Variants in HACE1 observed in about 807,000 individuals in gnomAD.
The protein encoded by HACE1 is HECT domain and ankyrin repeat containing E3 ubiquitin protein ligase 1.
A neutral mutation model predicts 118.4 loss-of-function variants in HACE1; 73 were observed. That is an observed-to-expected ratio of 0.62 (90% CI 0.51 to 0.75). HACE1 has a LOEUF of 0.75. HACE1 is among the 30% of genes least tolerant of loss of function. The pLI is 0.00. For synonymous variants in HACE1, 368 were observed against 374.8 expected (o/e 0.98, Z 0.21); for missense variants, 749 against 1,102.2 (o/e 0.68, Z 4.54).
intron 22 of HACE1, among the ~76,000 whole-genome samples, chr6:104,733,111 C>T (rs1360612147): frequency 6.6e-6 from 1 of 152,100 alleles, no homozygotes; most frequent in Non-Finnish European, 1.5e-5. Flanking sequence ...AAAATCAAGT[C>T]GTTCTGAATT....
At chr6:104,830,735 T>A (rs1255627434) in intron 6 of HACE1, among the ~76,000 whole-genome samples, 1 of 150,512 alleles carries the variant, frequency 6.6e-6, no homozygotes, top group Non-Finnish European at 1.5e-5. Context: ...GTTATTATGG[T>A]CAGCAAGAAA....
intron 7 of HACE1, among the ~76,000 whole-genome samples, chr6:104,802,808 A>G (rs572511935): frequency 7.2e-5 from 11 of 152,204 alleles, no homozygotes; most frequent in Non-Finnish European, 1.5e-4. Context: ...AAAGAACTAG[A>G]GAAGCAAGAG....
At chr6:104,763,761 T>G (rs969712343) in intron 19 of HACE1, among the ~76,000 whole-genome samples, 1 of 152,120 alleles carries the variant, frequency 6.6e-6, no homozygotes, top group African/African-American at 2.4e-5. Context: ...GATTAAAAGG[T>G]ACTGTAGGCC....
intron 19 of HACE1, chr6:104,766,829 T>C (rs1780060408): frequency 6.6e-6 from 1 of 152,196 alleles, no homozygotes; most frequent in African/African-American, 2.4e-5. Flanking sequence ...CAAGTGCTTG[T>C]CTCAGCAGCA....
chr6:104,833,396 AGTTGGGGTCTTGCTATGTTGTTCAG>A (rs945044495), intron 5 of HACE1, among the ~76,000 whole-genome samples: 1 of 151,780 alleles, frequency 6.6e-6, no homozygotes. Flanking sequence ...GGTTTTTTAG[AGTTGGGGTCTTGCTATGTTGTTCAG>A]GTTGGACTCA....
At chr6:104,849,687 C>T (rs1444911478) in intron 3 of HACE1, among the ~76,000 whole-genome samples, 2 of 145,044 alleles carry the variant, frequency 1.4e-5, no homozygotes, top group Admixed American at 7.1e-5. Flanking sequence ...TCTCGCATGT[C>T]ACCCAGGCTG....
intron 6 of HACE1, among the ~76,000 whole-genome samples, chr6:104,826,507 T>C (rs1012217203): frequency 6.6e-6 from 1 of 152,214 alleles, no homozygotes; most frequent in Non-Finnish European, 1.5e-5. Flanking sequence ...AAAAATGCAC[T>C]GATCTATAAG....
chr6:104,757,701 G>A (rs891304134), intron 19 of HACE1, among the ~76,000 whole-genome samples: 2 of 152,154 alleles, frequency 1.3e-5, no homozygotes, highest in African/African-American at 4.8e-5. Flanking sequence ...TGAGTTTGAT[G>A]AACTGACAGA....
intron 7 of HACE1, among the ~76,000 whole-genome samples, chr6:104,799,621 T>C (rs1231551220): frequency 6.6e-6 from 1 of 152,212 alleles, no homozygotes; most frequent in Non-Finnish European, 1.5e-5. Flanking sequence ...AACAGTTACA[T>C]GGCAGACCAG....
chr6:104,784,959 A>C (rs1243602933), intron 12 of HACE1, 26 bp downstream of exon 12: 5 of 1,498,098 alleles, frequency 3.3e-6, no homozygotes, highest in South Asian at 1.2e-5. Context: ...AGAGAAAAAA[A>C]AAATAATAAG....
chr6:104,824,303 T>C (rs1243723859), intron 6 of HACE1, among the ~76,000 whole-genome samples: 1 of 152,192 alleles, frequency 6.6e-6, no homozygotes, highest in Non-Finnish European at 1.5e-5. Flanking sequence ...ACATACGATA[T>C]TGAGATATCA....
intron 1 of HACE1, among the ~76,000 whole-genome samples, chr6:104,859,197 A>G (rs1469453636): frequency 6.6e-6 from 1 of 152,010 alleles, no homozygotes; most frequent in African/African-American, 2.4e-5. Context: ...GATCATCTCT[A>G]TCCCCAGCTA....
chr6:104,762,067 G>A (rs1346988759), intron 19 of HACE1, among the ~76,000 whole-genome samples: 1 of 152,206 alleles, frequency 6.6e-6, no homozygotes, highest in South Asian at 2.1e-4. Context: ...TGGAGAGGTT[G>A]TGGAGAAAGA....
intron 23 of HACE1, among the ~76,000 whole-genome samples, chr6:104,729,976 C>T (rs538086919): frequency 1.8e-4 from 28 of 152,252 alleles, no homozygotes; most frequent in African/African-American, 6.5e-4. Flanking sequence ...GAAGAAAATA[C>T]GTTCCTTTCA....
At chr6:104,787,952 T>C (rs1411466103) in intron 11 of HACE1, among the ~76,000 whole-genome samples, 2 of 152,192 alleles carry the variant, frequency 1.3e-5, no homozygotes, top group African/African-American at 4.8e-5. Context: ...TACCTTTTAT[T>C]TCTTCAATCA....
intron 6 of HACE1, among the ~76,000 whole-genome samples, chr6:104,815,653 A>G (rs1458841228): frequency 7.2e-6 from 1 of 138,262 alleles, no homozygotes; most frequent in Non-Finnish European, 1.6e-5. Flanking sequence ...CTGACCCAGC[A>G]CACCCAGACT....
chr6:104,801,230 T>A (rs1340989989), intron 7 of HACE1, among the ~76,000 whole-genome samples: 1 of 152,050 alleles, frequency 6.6e-6, no homozygotes, highest in Non-Finnish European at 1.5e-5. Context: ...AAAAGACCAA[T>A]CTATGTTTGA....
chr6:104,773,220 T>C (rs777124057), intron 17 of HACE1, among the ~76,000 whole-genome samples: 23 of 152,310 alleles, frequency 1.5e-4, no homozygotes, highest in African/African-American at 5.5e-4. Context: ...CTATTGTAAA[T>C]GCCTGGGCTA....
Position 104,744,549 on chromosome 6 carries a change from T to G in HACE1, c.2405A>C (p.Tyr802Ser). 1 of 1,603,212 alleles carries G rather than the reference T, an allele frequency of 6.2e-7. No individual in the cohort carries two copies. The change falls in exon 21 of 24, where the codon TAC becomes TCC. Residue 802 changes from tyrosine (Y) to serine (S), a missense_variant. Tyr to Ser is a moderately radical substitution (Grantham distance 144). This residue lies in a region of HACE1 where 165 missense variants were observed against 229.9 expected (regional missense o/e 0.72). Coordinates refer to ENST00000262903, the MANE Select transcript of HACE1 (RefSeq NM_020771.4). ...ATCTTCTCTTTCATAGCCACTTGTG[T>G]ATTCTGTATTTTTTATCCAATCACT... ...DVSDWIKNTE[Y>S]TSGYEREDPV...
Sources: allele counts gnomAD v4.1 joint callset (sites outside exome capture counted in the v4.1 genomes callset), GRCh38; gene constraint gnomAD v4.1.1; regional missense constraint gnomAD v4.1.1; transcripts MANE v1.5; gene names NCBI Gene and HGNC (gene_info 2026-07-23, HGNC 2026-07-21).